Variants in UBE2E2 observed in about 807,000 individuals in gnomAD.
UBE2E2 encodes the protein ubiquitin-conjugating enzyme E2 E2.
In UBE2E2, 6 loss-of-function variants were observed where a neutral mutation model predicts 24.7. The ratio of observed to expected loss-of-function variants is 0.24; its 90% CI spans 0.13 to 0.48. The LOEUF is 0.48. Among genes scored for constraint, UBE2E2 ranks in the 20% least tolerant of loss-of-function variants. The pLI is 0.99. For missense variants in UBE2E2, 169 were observed against 245.0 expected (o/e 0.69, Z 2.07); for synonymous variants, 104 against 83.6 (o/e 1.24, Z -1.33).
intron 3 of UBE2E2, among the ~76,000 whole-genome samples, chr3:23,342,109 A>G (rs1207241792): frequency 6.6e-6 from 1 of 152,162 alleles, no homozygotes; most frequent in African/African-American, 2.4e-5. Context: ...GAGGAAAGCT[A>G]TTGACAGAAA....
Position 23,591,035 on chromosome 3 carries a change from A to G in UBE2E2, c.*1204A>G, listed in dbSNP as rs1393727957. 1 of 152,062 alleles carries G rather than the reference A, an allele frequency of 6.6e-6. No individual in the cohort carries two copies. Among genetic ancestry groups the G allele is most frequent in the Non-Finnish European group, 1.5e-5 (1 of 68,072 alleles). 9.4% of individuals were successfully genotyped at this position (152,062 alleles called of 1,614,324 possible). A position where few individuals can be genotyped will look rare whatever the true frequency, so the allele number is the denominator to read the frequency against. On this transcript the variant is annotated 3_prime_UTR_variant, in exon 6 of 6. Transcript: ENST00000396703. ...TCCATGATTTTAGCAAAAGAAGTAA[A>G]CTCAACTGTATTGGTCACGGTCAGC...
chr3:23,267,961 A>G (rs975751046), intron 3 of UBE2E2, among the ~76,000 whole-genome samples: 3 of 151,974 alleles, frequency 2.0e-5, no homozygotes, highest in African/African-American at 7.3e-5. Context: ...AAACCACATG[A>G]TTATCTCAAC....
chr3:23,277,318 ATCGGCTACTG>A (rs1698394250), intron 3 of UBE2E2, among the ~76,000 whole-genome samples: 1 of 152,182 alleles, frequency 6.6e-6, no homozygotes, highest in African/African-American at 2.4e-5. Context: ...ATTTTCAAAG[ATCGGCTACTG>A]CCAGATGCTA....
intron 3 of UBE2E2, among the ~76,000 whole-genome samples, chr3:23,272,510 G>A (rs1471049526): frequency 6.6e-6 from 1 of 152,240 alleles, no homozygotes; most frequent in Non-Finnish European, 1.5e-5. Flanking sequence ...CGCCAAGGCC[G>A]AGGAGGCGCT....
chr3:23,215,298 C>T lies in UBE2E2; in HGVS notation c.177-1964C>T, dbSNP rs1696446213. ...CTATGCTTTGTCTGTAAGTAAAAGG[C>T]CAATAAATTATACATTTATTATAAC... On this transcript the variant is annotated intron_variant, in intron 2 of 5. Coordinates refer to ENST00000396703, the MANE Select transcript of UBE2E2 (RefSeq NM_152653.4). Among the ~76,000 whole-genome samples, 3 of 151,992 alleles carry T rather than the reference C, an allele frequency of 2.0e-5. No homozygotes were observed. The South Asian group carries it at 6.2e-4, about 32-fold the overall frequency.
chr3:23,386,712 T>G (rs1696812787), intron 3 of UBE2E2, among the ~76,000 whole-genome samples: 1 of 152,234 alleles, frequency 6.6e-6, no homozygotes, highest in Admixed American at 6.5e-5. Context: ...GATACTGCTT[T>G]TGAAAGTAAG....
intron 3 of UBE2E2, among the ~76,000 whole-genome samples, chr3:23,410,837 G>A (rs1247956403): frequency 6.6e-6 from 1 of 152,152 alleles, no homozygotes; most frequent in Non-Finnish European, 1.5e-5. Flanking sequence ...CAGCAGAAGT[G>A]TCTGTAAGGT....
intron 3 of UBE2E2, among the ~76,000 whole-genome samples, chr3:23,330,898 T>A (rs1695040742): frequency 6.6e-6 from 1 of 152,238 alleles, no homozygotes; most frequent in Non-Finnish European, 1.5e-5. Flanking sequence ...ATGAAACTGT[T>A]AAGCTACTTA....
chr3:23,530,119 CA>C (rs1695088364), intron 4 of UBE2E2, among the ~76,000 whole-genome samples: 2 of 152,272 alleles, frequency 1.3e-5, no homozygotes, highest in East Asian at 3.9e-4. Context: ...TCTGACTTTA[CA>C]TTATGGTCTT....
At chr3:23,371,923 G>T (rs1220993595) in intron 3 of UBE2E2, among the ~76,000 whole-genome samples, 1 of 152,078 alleles carries the variant, frequency 6.6e-6, no homozygotes, top group African/African-American at 2.4e-5. Flanking sequence ...TTCAAGACCA[G>T]CCTGCCCAAC....
At chr3:23,393,858 G>A (rs573464510) in intron 3 of UBE2E2, among the ~76,000 whole-genome samples, 3 of 152,142 alleles carry the variant, frequency 2.0e-5, no homozygotes, top group African/African-American at 4.8e-5. Context: ...AAGTTGTATC[G>A]GGACACATTT....
At chr3:23,262,102 A>G (rs1192578370) in intron 3 of UBE2E2, among the ~76,000 whole-genome samples, 1 of 152,094 alleles carries the variant, frequency 6.6e-6, no homozygotes, top group East Asian at 1.9e-4. Flanking sequence ...TGCACAGGGC[A>G]CCCTTTTCTC....
In UBE2E2 at chr3:23,369,015, T is replaced by C; in HGVS notation, c.228-130593T>C. On this transcript the variant is annotated intron_variant, in intron 3 of 5. Transcript: ENST00000396703. The stretch of plus-strand genomic sequence containing the variant: ...GTGAATGAATTGAAATGAACGAAAT[T>C]TAGATATTTTACTGTTTTTTATAGC... 1.3e-5 allele frequency among the ~76,000 whole-genome samples: 2 copies of C among 152,156 alleles called. 1 individual carries two copies. The highest frequency in any genetic ancestry group is 3.8e-4 in the East Asian group (2 of 5,198).
At chr3:23,449,228 G>A (rs530821015) in intron 3 of UBE2E2, among the ~76,000 whole-genome samples, 99 of 152,196 alleles carry the variant, frequency 6.5e-4, no homozygotes, top group African/African-American at 2.3e-3. Context: ...GAAAACATTT[G>A]GTAAGTGTAA....
chr3:23,246,222 A>ATTTTTTTTTTTTTTTTTTTT (rs398051684), intron 3 of UBE2E2, among the ~76,000 whole-genome samples: 2 of 102,210 alleles, frequency 2.0e-5, no homozygotes. Context: ...TGCGTGGCTA[A>ATTTTTTTTTTTTTTTTTTTT]TTTTTTTTTT....
At chr3:23,555,700 T>C (rs970537200) in intron 5 of UBE2E2, among the ~76,000 whole-genome samples, 2 of 152,170 alleles carry the variant, frequency 1.3e-5, no homozygotes, top group Admixed American at 6.5e-5. Context: ...CAGAATATTA[T>C]TCAGCCTTTA....
At chr3:23,311,831 G>A (rs997112184) in intron 3 of UBE2E2, among the ~76,000 whole-genome samples, 1 of 152,088 alleles carries the variant, frequency 6.6e-6, no homozygotes, top group Non-Finnish European at 1.5e-5. Flanking sequence ...GGTAAATGTG[G>A]TATCCATCCC....
chr3:23,468,165 A>G (rs1441606750), intron 3 of UBE2E2, among the ~76,000 whole-genome samples: 1 of 152,136 alleles, frequency 6.6e-6, no homozygotes, highest in Non-Finnish European at 1.5e-5. Flanking sequence ...TTCACTGTGT[A>G]TTTTTAAGTC....
chr3:23,362,465 G>A (rs962543169), intron 3 of UBE2E2, among the ~76,000 whole-genome samples: 5 of 152,194 alleles, frequency 3.3e-5, no homozygotes, highest in Non-Finnish European at 5.9e-5. Flanking sequence ...GGGCCTGGGA[G>A]CAGTAAGATT....
Sources: allele counts gnomAD v4.1 joint callset (sites outside exome capture counted in the v4.1 genomes callset), GRCh38; gene constraint gnomAD v4.1.1; transcripts MANE v1.5; gene names NCBI Gene and HGNC (gene_info 2026-07-23, HGNC 2026-07-21).